Variants in PCDHA4 observed in about 807,000 individuals in gnomAD.
The protein encoded by PCDHA4 is protocadherin alpha 4.
A neutral mutation model predicts 61.4 loss-of-function variants in PCDHA4; 49 were observed. That is an observed-to-expected ratio of 0.80 (90% CI 0.63 to 1.01). PCDHA4 has a LOEUF of 1.01. Among genes scored for constraint, PCDHA4 ranks in the 50% least tolerant of loss-of-function variants. The probability of loss-of-function intolerance (pLI) is 0.00; values close to 1 mark genes in which losing one functional copy is unlikely to be tolerated. For synonymous variants in PCDHA4, 590 were observed against 550.3 expected, an observed-to-expected ratio of 1.07 and a Z score of -1.01; for missense variants, 1,254 against 1,235.8, an observed-to-expected ratio of 1.01 and a Z score of -0.22.
In PCDHA4 at chr5:140,876,882, G is replaced by A. The variant is rs377092859; in HGVS notation, c.2385+67310G>A. The A allele has an allele frequency of 3.2e-5, 52 of 1,614,140 alleles. 1 individual carries two copies. The African/African-American group carries it at 4.3e-4, about 13-fold the overall frequency. On this transcript the variant is annotated intron_variant, in intron 1 of 3. Transcript: ENST00000530339. ...TGTTCGTGAAGGAGAACAACCCGCC[G>A]GGCTGCCACATCTTCACGGTGTCGG...
At chr5:140,985,740 T>TG (rs1554247304) in intron 3 of PCDHA4, among the ~76,000 whole-genome samples, 2 of 53,688 alleles carry the variant, frequency 3.7e-5, no homozygotes, top group Admixed American at 1.9e-4. Flanking sequence ...GATGAATTCC[T>TG]TTTTTTTTTT....
At chr5:140,868,157 G>C (rs1380314181) in intron 1 of PCDHA4, 1 of 151,956 alleles carries the variant, frequency 6.6e-6, no homozygotes, top group Non-Finnish European at 1.5e-5. Flanking sequence ...GTTACATAAA[G>C]TGCTAAATTT....
chr5:140,982,696 A>G lies in PCDHA4; in HGVS notation c.2533+133A>G. ...GTTATTCCCTTTTTTCCATACATAC[A>G]TGATTTCCTTACATATATGATTATT... On this transcript the variant is annotated intron_variant, in intron 3 of 3. Transcript: ENST00000530339. 2.9e-6 allele frequency: 4 copies of G among 1,397,036 alleles called. No individual in the cohort carries two copies. The East Asian group carries it at 7.6e-5, about 27-fold the overall frequency. 86.5% of individuals were successfully genotyped at this position (1,397,036 alleles called of 1,614,324 possible). A position where few individuals can be genotyped will look rare whatever the true frequency, so the allele number is the denominator to read the frequency against.
intron 1 of PCDHA4, chr5:140,829,069 C>T: frequency 6.2e-7 from 1 of 1,612,166 alleles, no homozygotes; most frequent in Non-Finnish European, 8.5e-7. Context: ...CGGACAAAGG[C>T]CATCCTCCCA....
At chr5:140,850,495 T>A (rs2150486434) in intron 1 of PCDHA4, 3 of 1,597,906 alleles carry the variant, frequency 1.9e-6, no homozygotes, top group South Asian at 2.2e-5. Flanking sequence ...ACTGTGCTGG[T>A]GTCGCTGGTG....
chr5:140,911,693 CAAAT>C, intron 1 of PCDHA4, among the ~76,000 whole-genome samples: 1 of 152,156 alleles, frequency 6.6e-6, no homozygotes, highest in East Asian at 1.9e-4. Flanking sequence ...TCAGGAGTGT[CAAAT>C]GAATTTATTT....
chr5:140,904,797 C>T (rs2071388214), intron 1 of PCDHA4, among the ~76,000 whole-genome samples: 1 of 152,022 alleles, frequency 6.6e-6, no homozygotes, highest in East Asian at 1.9e-4. Context: ...TTTGCATTTT[C>T]CTGATAATTA....
chr5:140,897,949 G>A (rs2066421771), intron 1 of PCDHA4, among the ~76,000 whole-genome samples: 2 of 152,308 alleles, frequency 1.3e-5, no homozygotes, highest in African/African-American at 2.4e-5. Context: ...GTGATGATTA[G>A]CATTTTTTCA....
At chr5:140,851,846 T>C in intron 1 of PCDHA4, 1 of 970,670 alleles carries the variant, frequency 1.0e-6, no homozygotes, top group Non-Finnish European at 1.2e-6. Context: ...TATCTTTTTC[T>C]CCTCTCAGCT....
chr5:140,838,077 AGT>A (rs2150283763), intron 1 of PCDHA4, among the ~76,000 whole-genome samples: 14,554 of 79,570 alleles, frequency 0.18, 836 homozygotes, highest in Admixed American at 0.23. Context: ...ATATATATAT[AGT>A]GTGTGTGTGT....
rs1312920640 is a variant in PCDHA4, at chr5:140,836,835, CT to C, written c.2385+27266del. ...TCATAATTTCTTTTTTAGTTGATAG[CT>C]TTATGTATAATTATTATTTTTTAAT... is the stretch of plus-strand genomic sequence containing the variant. On this transcript the variant is annotated intron_variant, in intron 1 of 3. Transcript: ENST00000530339. 2.4e-5 allele frequency: 21 copies of C among 878,886 alleles called. No individual in the cohort carries two copies. The African/African-American group carries it at 3.6e-4, about 15-fold the overall frequency. The allele number at this position is 878,886 out of a possible 1,614,324, so 54.4% of individuals were successfully genotyped here. A position where few individuals can be genotyped will look rare whatever the true frequency, so the allele number is the denominator to read the frequency against.
intron 1 of PCDHA4, chr5:140,968,976 A>G (rs1410286561): frequency 2.5e-6 from 4 of 1,614,074 alleles, no homozygotes; most frequent in African/African-American, 1.3e-5. Flanking sequence ...TACACTGCGT[A>G]TGGCACTGCA....
intron 1 of PCDHA4, among the ~76,000 whole-genome samples, chr5:140,899,853 G>T (rs2067594174): frequency 6.6e-6 from 1 of 152,118 alleles, no homozygotes; most frequent in South Asian, 2.1e-4. Context: ...TGTCACCCAG[G>T]CTGGAGTGCA....
In PCDHA4 at chr5:140,928,627, T is replaced by G. The variant is rs782634688; in HGVS notation, c.2386-50322T>G. The G allele has an allele frequency of 1.5e-5, 24 of 1,614,220 alleles. No homozygotes were observed. The highest frequency in any genetic ancestry group is 1.9e-5 in the Non-Finnish European group (23 of 1,180,026). On this transcript the variant is annotated intron_variant, in intron 1 of 3. Transcript: ENST00000530339. ...GCCCCGCTCTGCCAGGACTGGACAC[T>G]TGGTCACAAAAGTGGTAGCAGAGGA...
intron 1 of PCDHA4, chr5:140,853,237 A>T: frequency 1.0e-6 from 1 of 980,784 alleles, no homozygotes; most frequent in Non-Finnish European, 1.2e-6. Context: ...TTAGTCCTTC[A>T]TATTAATCTC....
chr5:140,849,687 G>T, intron 1 of PCDHA4: 1 of 1,598,686 alleles, frequency 6.3e-7, no homozygotes. Context: ...CTTCAAGCTG[G>T]TGTCCACCTA....
intron 1 of PCDHA4, chr5:140,968,562 C>T (rs1210264786): frequency 4.3e-6 from 7 of 1,614,090 alleles, no homozygotes; most frequent in Non-Finnish European, 8.5e-7. Context: ...CGAACTGCCC[C>T]TGCTGGCTAC....
chr5:140,906,720 G>A (rs2072884338), intron 1 of PCDHA4, among the ~76,000 whole-genome samples: 1 of 152,182 alleles, frequency 6.6e-6, no homozygotes, highest in African/African-American at 2.4e-5. Context: ...CCTGGATTGT[G>A]CTGTTGTAGT....
chr5:140,832,848 G>A (rs968087130), intron 1 of PCDHA4, among the ~76,000 whole-genome samples: 3 of 152,162 alleles, frequency 2.0e-5, no homozygotes, highest in Admixed American at 6.6e-5. Flanking sequence ...GAAGGAGACC[G>A]TGAAGAGTCA....
Sources: gnomAD v4.1 joint callset for allele counts (sites outside exome capture counted in the v4.1 genomes callset) on GRCh38, gnomAD v4.1.1 for gene constraint, MANE v1.5 for transcripts, NCBI Gene and HGNC (gene_info 2026-07-23, HGNC 2026-07-21) for gene names.